NR3C2: variants seen among roughly 807,000 people sequenced by gnomAD.
NR3C2 encodes mineralocorticoid receptor.
NR3C2 carries 15 observed loss-of-function variants against 86.4 expected under a neutral mutation model. The ratio of observed to expected loss-of-function variants is 0.17; its 90% CI spans 0.12 to 0.27. The LOEUF (loss-of-function observed/expected upper bound fraction) is 0.27. NR3C2 is among the 10% of genes least tolerant of loss of function. The pLI, the probability that NR3C2 is intolerant of heterozygous loss-of-function variation, is 1.00. For synonymous variants in NR3C2, 458 were observed against 450.5 expected, an observed-to-expected ratio of 1.02 and a Z score of -0.21; for missense variants, 960 against 1,195.6, an observed-to-expected ratio of 0.80 and a Z score of 2.91.
intron 2 of NR3C2, among the ~76,000 whole-genome samples, chr4:148,326,274 G>A (rs1743966482): frequency 6.6e-6 from 1 of 151,536 alleles, no homozygotes; most frequent in South Asian, 2.1e-4. Flanking sequence ...GGTGGCAGGT[G>A]CCTGTAGTCC....
chr4:148,147,982 T>C (rs1224106936), intron 6 of NR3C2, among the ~76,000 whole-genome samples: 1 of 151,406 alleles, frequency 6.6e-6, no homozygotes, highest in Non-Finnish European at 1.5e-5. Context: ...ATTTGTCCTT[T>C]AACTACTACC....
intron 2 of NR3C2, among the ~76,000 whole-genome samples, chr4:148,361,597 A>T (rs1745841071): frequency 6.6e-6 from 1 of 152,146 alleles, no homozygotes; most frequent in Non-Finnish European, 1.5e-5. Context: ...ACACCTTATT[A>T]TCTGAATCCT....
intron 2 of NR3C2, among the ~76,000 whole-genome samples, chr4:148,367,692 T>C (rs140482280): frequency 0.011 from 1,663 of 151,964 alleles, 25 homozygotes; most frequent in African/African-American, 0.038. Flanking sequence ...AATATAGAAC[T>C]ACACAAAAAT....
chr4:148,252,646 A>G (rs1739632792), intron 3 of NR3C2, among the ~76,000 whole-genome samples: 2 of 152,202 alleles, frequency 1.3e-5, no homozygotes, highest in South Asian at 4.1e-4. Context: ...ACTAGTTTTT[A>G]AGAACATCAT....
intron 2 of NR3C2, among the ~76,000 whole-genome samples, chr4:148,268,976 G>A (rs1189756693): frequency 6.6e-6 from 1 of 152,204 alleles, no homozygotes; most frequent in African/African-American, 2.4e-5. Context: ...GACAGGGCAA[G>A]CTTGAAAAAC....
intron 2 of NR3C2, among the ~76,000 whole-genome samples, chr4:148,431,650 G>A (rs1270817885): frequency 6.6e-6 from 1 of 152,106 alleles, no homozygotes; most frequent in Non-Finnish European, 1.5e-5. Flanking sequence ...CACTCTCACT[G>A]AATGCCCACA....
At chr4:148,363,981 T>C (rs1201315832) in intron 2 of NR3C2, among the ~76,000 whole-genome samples, 1 of 152,244 alleles carries the variant, frequency 6.6e-6, no homozygotes, top group East Asian at 1.9e-4. Context: ...AGTAATTACA[T>C]TTTATTTCAA....
chr4:148,119,802 AT>A (rs1240245005), intron 7 of NR3C2, among the ~76,000 whole-genome samples: 1 of 151,742 alleles, frequency 6.6e-6, no homozygotes, highest in South Asian at 2.1e-4. Flanking sequence ...AAAAAAAAAA[AT>A]CTTTGAACTT....
At chr4:148,257,254 T>C (rs530058181) in intron 3 of NR3C2, among the ~76,000 whole-genome samples, 60 of 152,314 alleles carry the variant, frequency 3.9e-4, no homozygotes, top group Admixed American at 1.3e-3. Context: ...CATACATCCA[T>C]ACATATATAT....
At chr4:148,349,709 G>C (rs114402096) in intron 2 of NR3C2, among the ~76,000 whole-genome samples, 2 of 152,138 alleles carry the variant, frequency 1.3e-5, no homozygotes, top group African/African-American at 4.8e-5. Context: ...TTTTGTTGTT[G>C]ATGTTAATGT....
At chr4:148,342,063 G>A (rs1744773011) in intron 2 of NR3C2, among the ~76,000 whole-genome samples, 1 of 152,064 alleles carries the variant, frequency 6.6e-6, no homozygotes, top group Admixed American at 6.6e-5. Flanking sequence ...TACATGTTTA[G>A]CAACCAGCCG....
intron 2 of NR3C2, among the ~76,000 whole-genome samples, chr4:148,406,138 T>C (rs1302787790): frequency 6.6e-6 from 1 of 151,904 alleles, no homozygotes. Flanking sequence ...TGTACTCCAG[T>C]CTGGGCAAGA....
intron 3 of NR3C2, among the ~76,000 whole-genome samples, chr4:148,220,736 C>T (rs1463352517): frequency 6.6e-6 from 1 of 152,094 alleles, no homozygotes; most frequent in East Asian, 1.9e-4. Flanking sequence ...GTCAAGGCTG[C>T]AGTAAGCCAT....
chr4:148,318,762 G>C (rs961957385), intron 2 of NR3C2, among the ~76,000 whole-genome samples: 1 of 152,188 alleles, frequency 6.6e-6, no homozygotes, highest in African/African-American at 2.4e-5. Flanking sequence ...GTTCATTGTA[G>C]ATTCTGGATA....
intron 4 of NR3C2, among the ~76,000 whole-genome samples, chr4:148,170,767 C>T (rs1053392599): frequency 3.3e-5 from 5 of 152,170 alleles, no homozygotes; most frequent in Non-Finnish European, 5.9e-5. Flanking sequence ...GTTTCCTAGA[C>T]GCCAAAGTCT....
Position 148,114,264 on chromosome 4 carries a change from G to A in NR3C2, c.2642-3C>T, listed in dbSNP as rs781681562. On this transcript the variant is annotated splice_region_variant and splice_polypyrimidine_tract_variant and intron_variant, in intron 7 of 8. Coordinates refer to ENST00000358102, the MANE Select transcript of NR3C2 (RefSeq NM_000901.5). Reference sequence around the variant, plus strand: ...GCTTTTGAGGCCATCCTTTGGAACTGTGTTAAGGAAAACAGACATGTAAAT... The same window carrying A: ...GCTTTTGAGGCCATCCTTTGGAACTATGTTAAGGAAAACAGACATGTAAAT... 1.9e-6 allele frequency: 3 copies of A among 1,613,762 alleles called. No homozygotes were observed. The highest frequency in any genetic ancestry group is 2.2e-5 in the East Asian group (1 of 44,874).
intron 8 of NR3C2, 137 bp from the exon 9 acceptor site, chr4:148,081,636 C>T (rs1309111311): frequency 1.7e-6 from 2 of 1,174,228 alleles, no homozygotes; most frequent in African/African-American, 1.5e-5. Context: ...ATTAATTGAG[C>T]AGAGTCATCT....
intron 2 of NR3C2, among the ~76,000 whole-genome samples, chr4:148,357,672 A>C (rs1579200752): frequency 6.6e-6 from 1 of 152,178 alleles, no homozygotes; most frequent in African/African-American, 2.4e-5. Context: ...GCCTCCACCA[A>C]AGGCTCTTCA....
At chr4:148,386,131 C>T (rs1747252221) in intron 2 of NR3C2, among the ~76,000 whole-genome samples, 1 of 152,072 alleles carries the variant, frequency 6.6e-6, no homozygotes, top group South Asian at 2.1e-4. Flanking sequence ...TCCTCCCAGC[C>T]CCCAGGAGAG....
Sources: gnomAD v4.1 joint callset for allele counts (sites outside exome capture counted in the v4.1 genomes callset) on GRCh38, gnomAD v4.1.1 for gene constraint, MANE v1.5 for transcripts, NCBI Gene and HGNC (gene_info 2026-07-23, HGNC 2026-07-21) for gene names.